The following ELP4 variants were observed in gnomAD, a reference collection of about 807,000 sequenced individuals.
The protein encoded by ELP4 is elongator acetyltransferase complex subunit 4.
Under a neutral mutation model 48.9 loss-of-function variants are expected in ELP4, and 51 were observed. The observed-to-expected ratio is 1.04, with a 90% confidence interval of 0.83 to 1.32. ELP4 has a LOEUF of 1.32. Ranked by LOEUF, ELP4 falls within the 40% of genes most tolerant of loss-of-function variation. The pLI, the probability that ELP4 is intolerant of heterozygous loss-of-function variation, is 0.00. For missense variants in ELP4, 519 were observed against 514.6 expected (o/e 1.01, Z -0.08); for synonymous variants, 210 against 189.2 (o/e 1.11, Z -0.90).
At chr11:31,533,451 C>G (rs1956439246) in intron 2 of ELP4, among the ~76,000 whole-genome samples, 2 of 139,610 alleles carry the variant, frequency 1.4e-5, no homozygotes, top group South Asian at 5.0e-4. Flanking sequence ...TATCTCGGCT[C>G]ACTGCAAGCT....
At chr11:31,705,236 G>A (rs1691679240) in intron 9 of ELP4, among the ~76,000 whole-genome samples, 1 of 152,064 alleles carries the variant, frequency 6.6e-6, no homozygotes, top group South Asian at 2.1e-4. Context: ...ATATGGCAGA[G>A]AACACCACAT....
intron 3 of ELP4, among the ~76,000 whole-genome samples, chr11:31,575,953 A>T (rs1957268294): frequency 6.6e-6 from 1 of 152,216 alleles, no homozygotes; most frequent in Admixed American, 6.5e-5. Context: ...TTAACCTTAA[A>T]TGTAAATGGA....
At chr11:31,649,900 G>A in intron 8 of ELP4, 1 of 377,876 alleles carries the variant, frequency 2.6e-6, no homozygotes, top group Non-Finnish European at 4.7e-6. Flanking sequence ...AGTGCAATTA[G>A]TTTTCCTCGC....
At chr11:31,553,843 G>A (rs1274580582) in intron 3 of ELP4, among the ~76,000 whole-genome samples, 1 of 151,770 alleles carries the variant, frequency 6.6e-6, no homozygotes, top group Non-Finnish European at 1.5e-5. Flanking sequence ...CCAACCCCCA[G>A]CCATGGATCA....
intron 2 of ELP4, among the ~76,000 whole-genome samples, chr11:31,529,109 C>G (rs1026676464): frequency 1.3e-5 from 2 of 148,992 alleles, no homozygotes; most frequent in African/African-American, 5.0e-5. Flanking sequence ...GAGTGAGACT[C>G]CGTCTGAAAA....
chr11:31,621,594 A>G (rs990839106), intron 5 of ELP4, among the ~76,000 whole-genome samples: 2 of 151,942 alleles, frequency 1.3e-5, no homozygotes, highest in Admixed American at 6.6e-5. Flanking sequence ...TTAAACCTAC[A>G]TTCCAACTAT....
At chr11:31,553,370 C>G (rs1956881156) in intron 3 of ELP4, among the ~76,000 whole-genome samples, 1 of 152,092 alleles carries the variant, frequency 6.6e-6, no homozygotes, top group Non-Finnish European at 1.5e-5. Flanking sequence ...GTAGATTGCC[C>G]TCCCTAATTT....
intron 9 of ELP4, among the ~76,000 whole-genome samples, chr11:31,704,809 G>A (rs1416501266): frequency 2.6e-5 from 4 of 151,760 alleles, no homozygotes; most frequent in Admixed American, 6.6e-5. Context: ...TGAAGAATTC[G>A]AGACCAGCCT....
At chr11:31,580,131 C>T (rs890050567) in intron 3 of ELP4, among the ~76,000 whole-genome samples, 2 of 152,010 alleles carry the variant, frequency 1.3e-5, no homozygotes, top group African/African-American at 4.8e-5. Context: ...TTACAACTCC[C>T]GCTTCAGAGA....
At chr11:31,668,489 T>C (rs1945726207) in intron 9 of ELP4, among the ~76,000 whole-genome samples, 1 of 141,250 alleles carries the variant, frequency 7.1e-6, no homozygotes, top group African/African-American at 2.6e-5. Flanking sequence ...GTTGTAATTC[T>C]TTTTTTTTTT....
intron 9 of ELP4, among the ~76,000 whole-genome samples, chr11:31,752,865 A>C (rs1216565967): frequency 1.3e-5 from 2 of 151,858 alleles, no homozygotes; most frequent in Non-Finnish European, 2.9e-5. Flanking sequence ...ACTGGAAAGA[A>C]CAATACCAAA....
intron 9 of ELP4, among the ~76,000 whole-genome samples, chr11:31,715,853 A>C (rs992390754): frequency 6.6e-6 from 1 of 152,204 alleles, no homozygotes; most frequent in African/African-American, 2.4e-5. Context: ...GCAAGCACTC[A>C]ATAGACGGTA....
Position 31,524,225 on chromosome 11 carries a change from A to G in ELP4, c.259+4134A>G, listed in dbSNP as rs566122676. Among the ~76,000 whole-genome samples, 7 of 152,320 alleles carry G rather than the reference A, an allele frequency of 4.6e-5. No homozygotes were observed. In the South Asian group the frequency reaches 1.5e-3, roughly 32 times the overall value. ...ATCTCATAGTTTCTGTAGGTCAGGA[A>G]TCTAAGCACACTCCCACGGAGTCCT... On this transcript the variant is annotated intron_variant, in intron 2 of 9. Coordinates refer to ENST00000640961, the MANE Select transcript of ELP4 (RefSeq NM_019040.5).
intron 4 of ELP4, chr11:31,600,434 A>G (rs1431589148): frequency 6.6e-6 from 1 of 152,172 alleles, no homozygotes; most frequent in African/African-American, 2.4e-5. Flanking sequence ...TTAAATTCTC[A>G]TCAAACATTG....
At chr11:31,526,031 C>T (rs1956289274) in intron 2 of ELP4, among the ~76,000 whole-genome samples, 1 of 152,098 alleles carries the variant, frequency 6.6e-6, no homozygotes, top group Non-Finnish European at 1.5e-5. Flanking sequence ...AAAATCTTAT[C>T]CTTAAATATT....
intron 9 of ELP4, among the ~76,000 whole-genome samples, chr11:31,724,954 A>C (rs1213691588): frequency 6.6e-6 from 1 of 152,104 alleles, no homozygotes; most frequent in African/African-American, 2.4e-5. Flanking sequence ...TCACTATTTG[A>C]GATGTTGAAG....
chr11:31,578,327 T>G (rs1957322558), intron 3 of ELP4, among the ~76,000 whole-genome samples: 1 of 152,106 alleles, frequency 6.6e-6, no homozygotes, highest in African/African-American at 2.4e-5. Context: ...ATGCTTATGG[T>G]TAGGAAGAAT....
chr11:31,538,224 A>G (rs1956534491), intron 2 of ELP4, among the ~76,000 whole-genome samples: 1 of 149,888 alleles, frequency 6.7e-6, no homozygotes, highest in Non-Finnish European at 1.5e-5. Flanking sequence ...TTAAATACTT[A>G]AAGCCAAATC....
intron 4 of ELP4, among the ~76,000 whole-genome samples, chr11:31,603,223 C>T (rs935203620): frequency 6.6e-6 from 1 of 151,666 alleles, no homozygotes; most frequent in Non-Finnish European, 1.5e-5. Context: ...ACATTTTATC[C>T]TATAAGCTTA....
Sources: gnomAD v4.1 joint callset for allele counts (sites outside exome capture counted in the v4.1 genomes callset) on GRCh38, gnomAD v4.1.1 for gene constraint, MANE v1.5 for transcripts, NCBI Gene and HGNC (gene_info 2026-07-23, HGNC 2026-07-21) for gene names.